The following PAK1 variants were observed in gnomAD, a reference collection of about 807,000 sequenced individuals.
PAK1 encodes the protein p21 (RAC1) activated kinase 1, also known as serine/threonine-protein kinase PAK 1.
PAK1 carries 29 observed loss-of-function variants against 67.4 expected under a neutral mutation model. The ratio of observed to expected loss-of-function variants is 0.43; its 90% CI spans 0.32 to 0.59. PAK1 has a LOEUF of 0.59. Among genes scored for constraint, PAK1 ranks in the 20% least tolerant of loss-of-function variants. The probability of loss-of-function intolerance (pLI) is 0.07; values close to 1 mark genes in which losing one functional copy is unlikely to be tolerated. For synonymous variants in PAK1, 223 were observed against 237.4 expected, an observed-to-expected ratio of 0.94 and a Z score of 0.56; for missense variants, 337 against 670.7, an observed-to-expected ratio of 0.50 and a Z score of 5.50.
At chr11:77,474,826 G>A (rs553905439), upstream of PAK1, 2 of 152,098 alleles carry the variant, frequency 1.3e-5, no homozygotes, top group Admixed American at 6.5e-5. Context: ...TTTCTCCTGA[G>A]CTCAGATTGT....
At chr11:77,509,725 AG>A in the PAK1 span, among the ~76,000 whole-genome samples, 1 of 152,166 alleles carries the variant, frequency 6.6e-6, no homozygotes, top group South Asian at 2.1e-4. Context: ...GTCATTTAAA[AG>A]TATGTGGCAC....
chr11:77,453,297 T>G (rs1054454881), intron 1 of PAK1, among the ~76,000 whole-genome samples: 1 of 151,948 alleles, frequency 6.6e-6, no homozygotes, highest in Non-Finnish European at 1.5e-5. Flanking sequence ...GAGGTTTCAG[T>G]GAGCCGAGAT....
the PAK1 span, among the ~76,000 whole-genome samples, chr11:77,491,277 A>G: frequency 6.6e-6 from 1 of 152,210 alleles, no homozygotes; most frequent in Non-Finnish European, 1.5e-5. Flanking sequence ...AGAAAGACTA[A>G]AAGATGAATC....
chr11:77,336,480 T>C (rs998814388), intron 12 of PAK1, among the ~76,000 whole-genome samples, 198 bp from the exon 13 acceptor site: 3 of 152,100 alleles, frequency 2.0e-5, no homozygotes, highest in African/African-American at 4.8e-5. Flanking sequence ...TGAAGAGAAA[T>C]AGAAGGAATA....
chr11:77,418,427 T>C (rs1409014374), intron 1 of PAK1, among the ~76,000 whole-genome samples: 1 of 152,222 alleles, frequency 6.6e-6, no homozygotes, highest in Non-Finnish European at 1.5e-5. Flanking sequence ...TCACCTCCTT[T>C]AACTGTACTT....
intron 1 of PAK1, among the ~76,000 whole-genome samples, chr11:77,441,359 C>G (rs12365581): frequency 6.6e-6 from 1 of 152,188 alleles, no homozygotes; most frequent in Non-Finnish European, 1.5e-5. Flanking sequence ...AAAAGCCAAC[C>G]CATTTCTTTT....
At chr11:77,344,818 T>C (rs1006697231) in intron 9 of PAK1, among the ~76,000 whole-genome samples, 8 of 152,210 alleles carry the variant, frequency 5.3e-5, no homozygotes, top group African/African-American at 1.7e-4. Flanking sequence ...AAAACTTACA[T>C]GGCTCCTGGT....
At chr11:77,432,979 T>C (rs1283493125) in intron 1 of PAK1, among the ~76,000 whole-genome samples, 9 of 152,230 alleles carry the variant, frequency 5.9e-5, no homozygotes, top group South Asian at 2.1e-4. Context: ...CAGTATGGTA[T>C]TGGCATAAGA....
At chr11:77,481,672 T>G in the PAK1 span, among the ~76,000 whole-genome samples, 1 of 70,354 alleles carries the variant, frequency 1.4e-5, no homozygotes, top group Non-Finnish European at 2.3e-5. Flanking sequence ...AGACTCCATC[T>G]CAAAAAAAAA....
In PAK1 at chr11:77,337,396, A is replaced by C. The variant is rs772100439; in HGVS notation, c.1144T>G (p.Ser382Ala). ...ECLQALEFLH[S>A]NQVIHRDIKS... is the part of the protein sequence containing the mutation. ...ATGTCTCTGTGAATGACCTGGTTCG[A>C]ATGCAAGAACTCCAGAGCCTGCAGA... Residue 382 changes from serine (S) to alanine (A), a missense_variant, in exon 12 of 15, where the codon TCG (serine) becomes GCG (alanine). Coordinates refer to ENST00000356341, the MANE Select transcript of PAK1 (RefSeq NM_002576.5). The C allele has an allele frequency of 6.2e-7, 1 of 1,610,800 alleles. No individual in the cohort carries two copies. The highest frequency in any genetic ancestry group is 2.2e-5 in the East Asian group (1 of 44,858).
At chr11:77,323,406 C>T (rs1938833743) in intron 14 of PAK1, 46 bp from the exon 15 acceptor site, 1 of 1,234,946 alleles carries the variant, frequency 8.1e-7, no homozygotes, top group African/African-American at 1.5e-5. Flanking sequence ...ATTTAACATT[C>T]TTCCCCAGTA....
upstream of PAK1, chr11:77,475,832 T>A (rs967922115): frequency 1.3e-5 from 2 of 152,234 alleles, no homozygotes; most frequent in Non-Finnish European, 2.9e-5. Flanking sequence ...CCTCAGCACC[T>A]AAAACAGTGC....
At chr11:77,519,706 T>G in the PAK1 span, among the ~76,000 whole-genome samples, 84 of 152,316 alleles carry the variant, frequency 5.5e-4, no homozygotes, top group Admixed American at 1.6e-3. Context: ...CCTTATCAGT[T>G]AGGTCTAGTT....
At chr11:77,348,388 A>G (rs574817475) in intron 9 of PAK1, among the ~76,000 whole-genome samples, 8 of 152,312 alleles carry the variant, frequency 5.3e-5, no homozygotes, top group Admixed American at 5.2e-4. Flanking sequence ...TCTTTCTTCT[A>G]CTGAATATAA....
At chr11:77,425,121 CT>C (rs573664730) in intron 1 of PAK1, among the ~76,000 whole-genome samples, 3 of 151,852 alleles carry the variant, frequency 2.0e-5, no homozygotes, top group Non-Finnish European at 2.9e-5. Context: ...GCACAAGTGG[CT>C]TTTTTTTAAG....
the PAK1 span, among the ~76,000 whole-genome samples, chr11:77,500,892 G>T: frequency 2.0e-5 from 3 of 152,094 alleles, no homozygotes; most frequent in African/African-American, 7.2e-5. Flanking sequence ...ACCACAGCCA[G>T]CTAGCCTCTG....
chr11:77,358,719 ATTT>A, intron 6 of PAK1, 176 bp downstream of exon 6: 1 of 678,942 alleles, frequency 1.5e-6, no homozygotes, highest in South Asian at 1.8e-5. Context: ...TAAACACATG[ATTT>A]TTTGTCTTTA....
the PAK1 span, among the ~76,000 whole-genome samples, chr11:77,492,945 G>A: frequency 5.0e-4 from 76 of 152,156 alleles, no homozygotes; most frequent in African/African-American, 1.1e-3. Context: ...CCAAAAAGCC[G>A]ACCAGATTTC....
At chr11:77,493,499 G>C in the PAK1 span, among the ~76,000 whole-genome samples, 1 of 135,376 alleles carries the variant, frequency 7.4e-6, no homozygotes, top group Admixed American at 7.9e-5. Context: ...CGCCATGTTG[G>C]CCAGGCTGGT....
Sources: gnomAD v4.1 joint callset for allele counts (sites outside exome capture counted in the v4.1 genomes callset) on GRCh38, gnomAD v4.1.1 for gene constraint, MANE v1.5 for transcripts, NCBI Gene and HGNC (gene_info 2026-07-23, HGNC 2026-07-21) for gene names.